Variants in CLASP2 observed in about 807,000 individuals in gnomAD.
The protein encoded by CLASP2 is CLIP-associating protein 2.
Under a neutral mutation model 194.4 loss-of-function variants are expected in CLASP2, and 47 were observed. The observed-to-expected ratio is 0.24, with a 90% CI of 0.19 to 0.31. CLASP2 has a LOEUF of 0.31. CLASP2 is among the 10% of genes least tolerant of loss of function. The pLI, the probability that CLASP2 is intolerant of heterozygous loss-of-function variation, is 1.00. For synonymous variants in CLASP2, 619 were observed against 633.5 expected, an observed-to-expected ratio of 0.98 and a Z score of 0.34; for missense variants, 1,445 against 1,823.6, an observed-to-expected ratio of 0.79 and a Z score of 3.78.
intron 18 of CLASP2, among the ~76,000 whole-genome samples, chr3:33,597,738 ATTTCT>A (rs1335735921): frequency 3.7e-4 from 55 of 148,322 alleles, no homozygotes; most frequent in Non-Finnish European, 7.6e-4. Flanking sequence ...GCATTGCTGT[ATTTCT>A]TTTCTTTTCT....
chr3:33,690,753 T>C (rs546277343), intron 2 of CLASP2, among the ~76,000 whole-genome samples: 3 of 152,318 alleles, frequency 2.0e-5, no homozygotes, highest in South Asian at 4.1e-4. Flanking sequence ...CCATTCGGTA[T>C]GGGATGTGAA....
At chr3:33,675,091 G>A (rs1268660855) in intron 6 of CLASP2, among the ~76,000 whole-genome samples, 1 of 152,132 alleles carries the variant, frequency 6.6e-6, no homozygotes, top group African/African-American at 2.4e-5. Context: ...ATTTTATGAG[G>A]CCAGCATCAT....
intron 1 of CLASP2, among the ~76,000 whole-genome samples, chr3:33,710,476 G>A (rs918026257): frequency 4.6e-5 from 7 of 152,154 alleles, no homozygotes; most frequent in Non-Finnish European, 1.0e-4. Context: ...AGAAGACTGA[G>A]GCCAGAGGGT....
intron 6 of CLASP2, among the ~76,000 whole-genome samples, chr3:33,675,027 A>G (rs529549620): frequency 6.6e-6 from 1 of 152,326 alleles, no homozygotes; most frequent in African/African-American, 2.4e-5. Context: ...AGCTGGTACC[A>G]TTCCTTCTGA....
At chr3:33,675,648 T>A (rs1038164004) in intron 6 of CLASP2, among the ~76,000 whole-genome samples, 2 of 149,874 alleles carry the variant, frequency 1.3e-5, no homozygotes, top group East Asian at 3.9e-4. Flanking sequence ...AGTCAAATTG[T>A]CCCTGTTTGC....
chr3:33,519,078 G>C (rs562000216), intron 34 of CLASP2, among the ~76,000 whole-genome samples: 2 of 152,250 alleles, frequency 1.3e-5, no homozygotes, highest in Non-Finnish European at 2.9e-5. Context: ...TCATGGTGAG[G>C]ACTTGGGCCT....
At position 33,673,162 on chromosome 3, in the gene CLASP2, G is replaced by A. The variant is rs1013830580; in HGVS notation, c.645-9647C>T. The stretch of plus-strand genomic sequence containing the variant: ...TTGTCAGATTCACCAAGGTTGAAAT[G>A]AAGGAAAAAATGTTAAGGGCAGCCA... On this transcript the variant is annotated intron_variant, in intron 6 of 38. Transcript: ENST00000682230. Among the ~76,000 whole-genome samples, 3 of 152,180 alleles carry A rather than the reference G, an allele frequency of 2.0e-5. No individual in the cohort carries two copies. The South Asian group carries it at 6.2e-4, about 31-fold the overall frequency.
intron 29 of CLASP2, among the ~76,000 whole-genome samples, chr3:33,552,402 C>T (rs1576332737): frequency 6.6e-6 from 1 of 152,252 alleles, no homozygotes; most frequent in East Asian, 1.9e-4. Context: ...CAGGCGTGAG[C>T]CACCGTGCCC....
intron 24 of CLASP2, among the ~76,000 whole-genome samples, chr3:33,575,004 A>C (rs1346327870): frequency 6.6e-6 from 1 of 152,152 alleles, no homozygotes; most frequent in African/African-American, 2.4e-5. Context: ...AGAAAAACCC[A>C]ATCAATTCGT....
intron 34 of CLASP2, among the ~76,000 whole-genome samples, chr3:33,520,213 C>T (rs955737425): frequency 2.6e-5 from 4 of 152,156 alleles, no homozygotes; most frequent in African/African-American, 7.2e-5. Context: ...ATCATATTGG[C>T]CAGGCTAGTC....
chr3:33,657,098 T>A (rs1173826251), intron 7 of CLASP2, among the ~76,000 whole-genome samples: 1 of 152,142 alleles, frequency 6.6e-6, no homozygotes, highest in Non-Finnish European at 1.5e-5. Flanking sequence ...CATTTGTATA[T>A]TCGTAAATAA....
chr3:33,569,494 C>A (rs552634242), intron 26 of CLASP2, among the ~76,000 whole-genome samples: 16 of 152,154 alleles, frequency 1.1e-4, no homozygotes, highest in African/African-American at 3.9e-4. Flanking sequence ...GCTTATATTG[C>A]CAACTAAAAA....
At chr3:33,511,725 CCCCA>C (rs2049893775) in intron 36 of CLASP2, among the ~76,000 whole-genome samples, 1 of 66,208 alleles carries the variant, frequency 1.5e-5, no homozygotes. Context: ...AAACAAACAA[CCCCA>C]TCAAAAAGTG....
chr3:33,639,772 G>A (rs2080951409), intron 8 of CLASP2, among the ~76,000 whole-genome samples: 1 of 152,132 alleles, frequency 6.6e-6, no homozygotes, highest in Non-Finnish European at 1.5e-5. Flanking sequence ...CTGGCGACTG[G>A]TCAATCCCTA....
intron 5 of CLASP2, among the ~76,000 whole-genome samples, chr3:33,685,988 G>C (rs1283176905): frequency 2.6e-5 from 4 of 151,898 alleles, no homozygotes; most frequent in Non-Finnish European, 5.9e-5. Flanking sequence ...AAAATGGCTA[G>C]AATGGTAAAT....
intron 23 of CLASP2, among the ~76,000 whole-genome samples, chr3:33,579,316 A>G (rs1025356286): frequency 2.6e-5 from 4 of 152,236 alleles, no homozygotes; most frequent in Non-Finnish European, 5.9e-5. Flanking sequence ...TAATGACTAG[A>G]CAAAATATTT....
At chr3:33,656,140 C>A (rs961395750) in intron 7 of CLASP2, among the ~76,000 whole-genome samples, 4 of 152,120 alleles carry the variant, frequency 2.6e-5, no homozygotes, top group African/African-American at 9.7e-5. Context: ...CCCCCCAAAC[C>A]CACCCTCAAT....
At chr3:33,694,285 A>G (rs1277865223) in intron 2 of CLASP2, among the ~76,000 whole-genome samples, 1 of 152,220 alleles carries the variant, frequency 6.6e-6, no homozygotes, top group East Asian at 1.9e-4. Flanking sequence ...TTCTGAAAGG[A>G]GGGCAGTGTT....
chr3:33,597,942 G>A (rs533462977), intron 18 of CLASP2, among the ~76,000 whole-genome samples: 10 of 151,848 alleles, frequency 6.6e-5, no homozygotes, highest in East Asian at 1.9e-4. Context: ...TAGTAGAGAC[G>A]AGGTTTCACC....
Sources: allele counts gnomAD v4.1 joint callset (sites outside exome capture counted in the v4.1 genomes callset), GRCh38; gene constraint gnomAD v4.1.1; transcripts MANE v1.5; gene names NCBI Gene and HGNC (gene_info 2026-07-23, HGNC 2026-07-21).